ZSWIM6: variants seen among roughly 807,000 people sequenced by gnomAD.
The protein encoded by ZSWIM6 is zinc finger SWIM-type containing 6, also known as zinc finger SWIM domain-containing protein 6.
ZSWIM6 carries 9 observed loss-of-function variants against 113.2 expected under a neutral mutation model. The observed-to-expected ratio is 0.08, with a 90% confidence interval of 0.05 to 0.14. The LOEUF is 0.14. Ranked by LOEUF, ZSWIM6 falls within the 10% of genes least tolerant of loss-of-function variation. The pLI is 1.00. For synonymous variants in ZSWIM6, 611 were observed against 606.5 expected (o/e 1.01, Z -0.11); for missense variants, 1,162 against 1,552.2 (o/e 0.75, Z 4.22).
chr5:61,454,687 T>C (rs1476872131), intron 1 of ZSWIM6, among the ~76,000 whole-genome samples: 9 of 150,908 alleles, frequency 6.0e-5, no homozygotes, highest in Non-Finnish European at 7.4e-5. Flanking sequence ...GTTCAAGCAA[T>C]TGTCCTGCCT....
intron 1 of ZSWIM6, among the ~76,000 whole-genome samples, chr5:61,337,432 A>AC (rs1321166717): frequency 6.6e-6 from 1 of 152,244 alleles, no homozygotes; most frequent in African/African-American, 2.4e-5. Flanking sequence ...GCTGCTTGAC[A>AC]CCATCTTTTT....
At chr5:61,367,132 G>A (rs1383409664) in intron 1 of ZSWIM6, among the ~76,000 whole-genome samples, 1 of 152,202 alleles carries the variant, frequency 6.6e-6, no homozygotes, top group Non-Finnish European at 1.5e-5. Flanking sequence ...GATTCACTGT[G>A]TTACAGCTGA....
intron 4 of ZSWIM6, among the ~76,000 whole-genome samples, chr5:61,505,690 CCCTCCCTTCCTTCCTCCCTT>C (rs1283941965): frequency 1.9e-5 from 2 of 105,736 alleles, no homozygotes; most frequent in Admixed American, 9.3e-5. Context: ...TTGCCTCCCT[CCCTCCCTTCCTTCCTCCCTT>C]CCTTCCTTCC....
intron 1 of ZSWIM6, among the ~76,000 whole-genome samples, chr5:61,381,553 A>G (rs1745476219): frequency 6.6e-6 from 1 of 152,204 alleles, no homozygotes; most frequent in African/African-American, 2.4e-5. Flanking sequence ...ATATTAAAGG[A>G]TGAATAAAAG....
rs550989594 is a variant in ZSWIM6, at chr5:61,375,674, A to G, written c.676+42726A>G. 4.0e-5 allele frequency: 62 copies of G among 1,546,880 alleles called. No individual in the cohort carries two copies. In the East Asian group the frequency reaches 1.5e-3, roughly 37 times the overall value. On this transcript the variant is annotated intron_variant, in intron 1 of 13. Coordinates refer to ENST00000252744, the MANE Select transcript of ZSWIM6 (RefSeq NM_020928.2). ...AAGAGAAAGATGTATTCTGAAGATA[A>G]ACCTTTATCATCTGAGTCCTTGTCA...
intron 4 of ZSWIM6, among the ~76,000 whole-genome samples, chr5:61,504,739 A>G (rs575994704): frequency 2.0e-5 from 3 of 152,214 alleles, no homozygotes; most frequent in African/African-American, 7.2e-5. Context: ...TTGGTTCTTC[A>G]TGGCAAATGA....
At chr5:61,339,026 G>A (rs1018087448) in intron 1 of ZSWIM6, among the ~76,000 whole-genome samples, 11 of 152,152 alleles carry the variant, frequency 7.2e-5, no homozygotes, top group African/African-American at 2.7e-4. Flanking sequence ...ATCAATTGCT[G>A]TCTCAATTCT....
At chr5:61,401,608 A>G (rs1745939952) in intron 1 of ZSWIM6, among the ~76,000 whole-genome samples, 1 of 152,184 alleles carries the variant, frequency 6.6e-6, no homozygotes, top group East Asian at 1.9e-4. Flanking sequence ...CATACTGTAT[A>G]AGAATGTAAT....
intron 4 of ZSWIM6, among the ~76,000 whole-genome samples, chr5:61,515,970 A>G (rs937200100): frequency 1.3e-5 from 2 of 152,056 alleles, no homozygotes; most frequent in African/African-American, 2.4e-5. Context: ...TGATACTGAT[A>G]TAGTCATACC....
At chr5:61,368,043 C>CT (rs1745196515) in intron 1 of ZSWIM6, among the ~76,000 whole-genome samples, 1 of 152,176 alleles carries the variant, frequency 6.6e-6, no homozygotes, top group Non-Finnish European at 1.5e-5. Context: ...AGGGGGATCA[C>CT]TTGATGCCAA....
chr5:61,418,701 G>A (rs1413885695), intron 1 of ZSWIM6, among the ~76,000 whole-genome samples: 2 of 152,168 alleles, frequency 1.3e-5, no homozygotes, highest in Admixed American at 6.5e-5. Context: ...CAGAGACAAG[G>A]GAATGGTCTT....
intron 1 of ZSWIM6, among the ~76,000 whole-genome samples, chr5:61,355,556 A>G (rs914904854): frequency 5.3e-5 from 8 of 152,098 alleles, no homozygotes; most frequent in African/African-American, 1.9e-4. Context: ...TTAGAGAACA[A>G]TACATTTAAA....
intron 1 of ZSWIM6, among the ~76,000 whole-genome samples, chr5:61,434,809 A>G (rs1041308275): frequency 1.1e-4 from 17 of 152,184 alleles, no homozygotes; most frequent in Non-Finnish European, 2.4e-4. Flanking sequence ...GAGGATGTGA[A>G]AAAAAGAAAA....
chr5:61,369,377 A>G (rs1745219953), intron 1 of ZSWIM6, among the ~76,000 whole-genome samples: 1 of 152,224 alleles, frequency 6.6e-6, no homozygotes, highest in Non-Finnish European at 1.5e-5. Flanking sequence ...ACTCAAATAC[A>G]TTCTTTCGAC....
At chr5:61,365,546 A>G (rs926642601) in intron 1 of ZSWIM6, among the ~76,000 whole-genome samples, 1 of 152,110 alleles carries the variant, frequency 6.6e-6, no homozygotes, top group Non-Finnish European at 1.5e-5. Context: ...CAGCTCTTTT[A>G]TTTTTGAGGT....
chr5:61,522,788 G>A (rs1316936547), intron 5 of ZSWIM6, among the ~76,000 whole-genome samples: 3 of 152,180 alleles, frequency 2.0e-5, no homozygotes, highest in Non-Finnish European at 4.4e-5. Context: ...CCGTTGCTAG[G>A]AAAGGGTATG....
intron 1 of ZSWIM6, among the ~76,000 whole-genome samples, chr5:61,410,863 C>T (rs867896289): frequency 1.8e-4 from 27 of 152,310 alleles, no homozygotes; most frequent in Admixed American, 3.3e-4. Flanking sequence ...ACCAGTTATA[C>T]GACTTTGTCC....
chr5:61,356,601 A>T (rs1477804536), intron 1 of ZSWIM6, among the ~76,000 whole-genome samples: 1 of 147,966 alleles, frequency 6.8e-6, no homozygotes, highest in Admixed American at 6.8e-5. Flanking sequence ...AAAAGAGAAA[A>T]CCCTCATTCC....
At chr5:61,355,809 A>G (rs908313436) in intron 1 of ZSWIM6, among the ~76,000 whole-genome samples, 13 of 152,236 alleles carry the variant, frequency 8.5e-5, no homozygotes, top group African/African-American at 2.7e-4. Flanking sequence ...ATTATGAACA[A>G]TTTATTGAAA....
Sources: gnomAD v4.1 joint callset for allele counts (sites outside exome capture counted in the v4.1 genomes callset) on GRCh38, gnomAD v4.1.1 for gene constraint, MANE v1.5 for transcripts, NCBI Gene and HGNC (gene_info 2026-07-23, HGNC 2026-07-21) for gene names.